Variants in SMC6 observed in about 807,000 individuals in gnomAD.
The protein encoded by SMC6 is structural maintenance of chromosomes 6, also known as structural maintenance of chromosomes protein 6.
In SMC6, 79 loss-of-function variants were observed where a neutral mutation model predicts 142.2. The observed-to-expected ratio is 0.56, with a 90% CI of 0.46 to 0.67. The LOEUF (loss-of-function observed/expected upper bound fraction) is 0.67. Ranked by LOEUF, SMC6 falls within the 30% of genes least tolerant of loss-of-function variation. The pLI is 0.00. For synonymous variants in SMC6, 411 were observed against 412.4 expected (o/e 1.00, Z 0.04); for missense variants, 1,072 against 1,284.0 (o/e 0.83, Z 2.52).
intron 18 of SMC6, among the ~76,000 whole-genome samples, chr2:17,703,821 T>C (rs1483987619): frequency 1.3e-5 from 2 of 152,122 alleles, no homozygotes; most frequent in Admixed American, 6.5e-5. Flanking sequence ...TTGTATAATA[T>C]ACTGTACTGT....
chr2:17,722,704 TCA>T (rs1669434038), intron 9 of SMC6, among the ~76,000 whole-genome samples: 1 of 152,196 alleles, frequency 6.6e-6, no homozygotes, highest in Non-Finnish European at 1.5e-5. Flanking sequence ...ATGGTATATC[TCA>T]CAGTCATGAC....
At position 17,664,012 on chromosome 2, in the gene SMC6, T is replaced by C. The variant is rs1425435450; in HGVS notation, c.*1487A>G. On this transcript the variant is annotated 3_prime_UTR_variant, in exon 28 of 28. Transcript: ENST00000448223. ...ATTCAACAAGAGATGCTGGGATACC[T>C]GAGGATTATGTTTCCCATTCTGTAT... 1 of 152,234 alleles carries C rather than the reference T, an allele frequency of 6.6e-6. No homozygotes were observed. Among genetic ancestry groups the C allele is most frequent in the Non-Finnish European group, 1.5e-5 (1 of 68,034 alleles). 9.4% of individuals were successfully genotyped at this position (152,234 alleles called of 1,614,324 possible). A position where few individuals can be genotyped will look rare whatever the true frequency, so the allele number is the denominator to read the frequency against.
At chr2:17,699,556 C>T (rs989932436) in intron 21 of SMC6, among the ~76,000 whole-genome samples, 1 of 152,074 alleles carries the variant, frequency 6.6e-6, no homozygotes, top group African/African-American at 2.4e-5. Flanking sequence ...TTTTCCTTCA[C>T]TTTCTAAGAC....
At position 17,716,231 on chromosome 2, in the gene SMC6, G is replaced by A. The variant is rs1363796244; in HGVS notation, c.1380C>T (p.Ser460=). The A allele has an allele frequency of 6.2e-7, 1 of 1,611,590 alleles. No individual in the cohort carries two copies. Residue 460 remains serine (S), a synonymous_variant, in exon 15 of 28, where the codon AGC becomes AGT. Transcript: ENST00000448223. ...ATTCTTTCAGTTGCCTCTGATTGTA[G>A]CTCAGTGCATGCTTCACATCTAATT... is the stretch of plus-strand genomic sequence containing the variant. ...REELDVKHAL[S]YNQRQLKELK...
intron 9 of SMC6, 27 bp downstream of exon 9, chr2:17,725,230 A>C (rs768241108): frequency 1.3e-6 from 2 of 1,545,416 alleles, no homozygotes; most frequent in Admixed American, 3.8e-5. Context: ...CTGATCTCAA[A>C]AAGATTTACA....
intron 2 of SMC6, chr2:17,746,537 G>T (rs1670752592): frequency 6.6e-6 from 1 of 152,080 alleles, no homozygotes; most frequent in African/African-American, 2.4e-5. Flanking sequence ...TTTTCCCAAA[G>T]AATCATATTT....
At chr2:17,742,435 C>T (rs539563980) in intron 3 of SMC6, among the ~76,000 whole-genome samples, 3 of 152,218 alleles carry the variant, frequency 2.0e-5, no homozygotes, top group African/African-American at 7.2e-5. Context: ...ATAATATTTC[C>T]TATACTATAA....
chr2:17,741,632 A>T lies in SMC6; in HGVS notation c.218T>A (p.Phe73Tyr). ...GPFKFGSNVN[F>Y]VVGNNGSGKS... ...CTTACTTCCATTGTTGCCAACAACA[A>T]AGTTGACATTAGAACCAAACTTAAA... Residue 73 changes from phenylalanine (F) to tyrosine (Y), a missense_variant, in exon 4 of 28, where the codon TTT becomes TAT. By Grantham distance (22) the Phe-to-Tyr change is conservative (BLOSUM62 3). Coordinates refer to ENST00000448223, the MANE Select transcript of SMC6 (RefSeq NM_001142286.2). 1 of 1,608,588 alleles carries T rather than the reference A, an allele frequency of 6.2e-7. No homozygotes were observed. Among genetic ancestry groups the T allele is most frequent in the Non-Finnish European group, 8.5e-7 (1 of 1,177,516 alleles).
intron 7 of SMC6, 79 bp downstream of exon 7, chr2:17,730,999 T>A: frequency 8.9e-7 from 1 of 1,123,494 alleles, no homozygotes; most frequent in Admixed American, 1.9e-5. Context: ...GCCATTTAAA[T>A]TTTTTCTACA....
At chr2:17,727,695 T>C (rs1038337522) in intron 7 of SMC6, among the ~76,000 whole-genome samples, 1 of 152,106 alleles carries the variant, frequency 6.6e-6, no homozygotes, top group African/African-American at 2.4e-5. Context: ...AACAAATCAG[T>C]TTACATGTTA....
intron 16 of SMC6, among the ~76,000 whole-genome samples, chr2:17,711,596 GA>G (rs981583135): frequency 2.0e-5 from 3 of 151,828 alleles, no homozygotes; most frequent in Non-Finnish European, 4.4e-5. Context: ...TAAAATATAG[GA>G]AAAAAACATG....
intron 18 of SMC6, among the ~76,000 whole-genome samples, chr2:17,706,196 A>G (rs188899534): frequency 3.2e-4 from 48 of 152,322 alleles, no homozygotes; most frequent in Admixed American, 2.5e-3. Context: ...AAAATGTTAT[A>G]GCATTTTAAC....
At chr2:17,706,017 C>T (rs1668490649) in intron 18 of SMC6, among the ~76,000 whole-genome samples, 1 of 152,070 alleles carries the variant, frequency 6.6e-6, no homozygotes, top group Admixed American at 6.6e-5. Context: ...TCTATCTTCC[C>T]CTAAATTTAA....
At chr2:17,680,936 A>C (rs999388488) in intron 24 of SMC6, 1 of 152,188 alleles carries the variant, frequency 6.6e-6, no homozygotes, top group African/African-American at 2.4e-5. Context: ...CCAGGAATTG[A>C]CTTCTCCTTT....
chr2:17,691,909 T>A (rs1411259000), intron 23 of SMC6, among the ~76,000 whole-genome samples: 5 of 152,112 alleles, frequency 3.3e-5, no homozygotes, highest in Non-Finnish European at 7.4e-5. Flanking sequence ...AGCATTCTTA[T>A]ACACCAGTAA....
intron 5 of SMC6, among the ~76,000 whole-genome samples, chr2:17,735,849 G>T (rs1210842115): frequency 6.6e-6 from 1 of 152,148 alleles, no homozygotes; most frequent in Non-Finnish European, 1.5e-5. Flanking sequence ...AAGGAGAGTT[G>T]AAATATCCCA....
intron 26 of SMC6, among the ~76,000 whole-genome samples, chr2:17,669,095 C>A (rs998884642): frequency 1.3e-5 from 2 of 152,008 alleles, no homozygotes; most frequent in Non-Finnish European, 2.9e-5. Context: ...GACCAAAGAG[C>A]GGTCTTAAAG....
rs554200656 is a variant in SMC6 at position 17,731,417 on chromosome 2, T to C, written c.482-278A>G. 5.3e-5 allele frequency among the ~76,000 whole-genome samples: 8 copies of C among 152,370 alleles called. No homozygotes were observed. The East Asian group carries it at 1.2e-3, about 22-fold the overall frequency. On this transcript the variant is annotated intron_variant, in intron 6 of 27. Transcript: ENST00000448223. ...AACTAAATGCTCACCTCTTCTTTTA[T>C]GTCATTTTGCACCTTTTGCTAACCA...
chr2:17,685,030 G>A (rs1013476118), intron 23 of SMC6, among the ~76,000 whole-genome samples: 1 of 150,998 alleles, frequency 6.6e-6, no homozygotes, highest in East Asian at 1.9e-4. Flanking sequence ...AACACACACA[G>A]ATATGAAGAC....
Sources: gnomAD v4.1 joint callset for allele counts (sites outside exome capture counted in the v4.1 genomes callset) on GRCh38, gnomAD v4.1.1 for gene constraint, MANE v1.5 for transcripts, NCBI Gene and HGNC (gene_info 2026-07-23, HGNC 2026-07-21) for gene names.